HGSNAT: variants seen among roughly 807,000 people sequenced by gnomAD.
HGSNAT encodes heparan-alpha-glucosaminide N-acetyltransferase, also known as transmembrane protein 76.
HGSNAT carries 59 observed loss-of-function variants against 85.2 expected under a neutral mutation model. The ratio of observed to expected loss-of-function variants is 0.69; its 90% CI spans 0.56 to 0.86. The LOEUF is 0.86. Among genes scored for constraint, HGSNAT ranks in the 40% least tolerant of loss-of-function variants. The pLI is 0.00. For missense variants in HGSNAT, 756 were observed against 777.1 expected, an observed-to-expected ratio of 0.97 and a Z score of 0.32; for synonymous variants, 321 against 304.5, an observed-to-expected ratio of 1.05 and a Z score of -0.56.
In HGSNAT at chr8:43,191,011, C is replaced by G. The variant is rs189688716; in HGVS notation, c.1129-463C>G. Among the ~76,000 whole-genome samples the G allele has an allele frequency of 1.8e-4, 27 of 152,302 alleles. No individual in the cohort carries two copies. In the East Asian group the frequency reaches 5.0e-3, roughly 28 times the overall value. On this transcript the variant is annotated intron_variant, in intron 11 of 17. Coordinates refer to ENST00000379644, the MANE Select transcript of HGSNAT (RefSeq NM_152419.3). ...GTATACATGAAGTCATATAACGTGG[C>G]TTTTTGTGCCTGGCTGCTTCCACTT...
At chr8:43,180,934 AAACCG>A (rs1804068145) in intron 10 of HGSNAT, among the ~76,000 whole-genome samples, 1 of 101,890 alleles carries the variant, frequency 9.8e-6, no homozygotes, top group African/African-American at 3.9e-5. Context: ...CCACCAAAAA[AAACCG>A]AAAACCAGTC....
At chr8:43,191,668 G>T (rs542418607) in intron 12 of HGSNAT, 73 bp downstream of exon 12, 1 of 1,550,714 alleles carries the variant, frequency 6.4e-7, no homozygotes, top group Admixed American at 1.8e-5. Context: ...GGCTTTCACA[G>T]GTCTCGAGTC....
intron 10 of HGSNAT, among the ~76,000 whole-genome samples, chr8:43,181,405 C>T (rs1563375635): frequency 1.3e-5 from 2 of 151,936 alleles, no homozygotes; most frequent in African/African-American, 4.8e-5. Flanking sequence ...GAATGAGTAT[C>T]AGAGTCGGGA....
At position 43,159,034 on chromosome 8, in the gene HGSNAT, T is replaced by G. The variant is rs1803185540; in HGVS notation, c.483T>G (p.Asp161Glu). ...TGGCTGTGAACGAGGATCCAGTTGA[T>G]AGTAACCTTCGTACGTATATGTTCT... The part of the protein sequence containing the change: ...CDLAVNEDPV[D>E]SNLPVSIAFL... Residue 161 changes from aspartate to glutamate, a missense_variant, in exon 4 of 18, where the codon GAT (aspartate) becomes GAG (glutamate). Physicochemically the swap from Asp to Glu is conservative, Grantham distance 45. Coordinates refer to ENST00000379644, the MANE Select transcript of HGSNAT (RefSeq NM_152419.3). 3.7e-6 allele frequency: 6 copies of G among 1,613,640 alleles called. No homozygotes were observed. The highest frequency in any genetic ancestry group is 5.1e-6 in the Non-Finnish European group (6 of 1,179,804).
intron 2 of HGSNAT, among the ~76,000 whole-genome samples, chr8:43,154,010 G>A (rs953571101): frequency 1.3e-5 from 2 of 152,260 alleles, no homozygotes; most frequent in Non-Finnish European, 2.9e-5. Flanking sequence ...TTAAACATGG[G>A]AGTACAAGTA....
chr8:43,151,618 C>T (rs1314551441), intron 2 of HGSNAT, among the ~76,000 whole-genome samples: 2 of 152,164 alleles, frequency 1.3e-5, no homozygotes. Context: ...TATTCTACCT[C>T]ATACTTCTGC....
intron 2 of HGSNAT, among the ~76,000 whole-genome samples, chr8:43,150,788 T>G (rs1429661057): frequency 6.6e-6 from 1 of 151,654 alleles, no homozygotes; most frequent in South Asian, 2.1e-4. Flanking sequence ...GAGCCAAGAT[T>G]GCGCCACTGC....
rs766369405 is a variant in HGSNAT at position 43,158,619 on chromosome 8, A to G, written c.279A>G (p.Ala93=). 6.2e-7 allele frequency: 1 copy of G among 1,614,016 alleles called. No individual in the cohort carries two copies. Among genetic ancestry groups the G allele is most frequent in the Admixed American group, 1.7e-5 (1 of 60,016 alleles). ...VLVNVPQSPK[A]GKPSAAAASV... is the part of the protein sequence containing the mutation. ...TAAACGTTCCTCAGAGTCCAAAAGC[A>G]GGGAAGCCTAGTGCTGCAGCTGCCT... Residue 93 remains alanine (A), a synonymous_variant, in exon 3 of 18, where the codon GCA becomes GCG. Coordinates refer to ENST00000379644, the MANE Select transcript of HGSNAT (RefSeq NM_152419.3).
At chr8:43,167,990 C>A in intron 5 of HGSNAT, 1 of 247,812 alleles carries the variant, frequency 4.0e-6, no homozygotes, top group Non-Finnish European at 8.3e-6. Flanking sequence ...ACCATCTCGG[C>A]TCACTCCAAG....
rs188402900 is a variant in HGSNAT at position 43,169,370 on chromosome 8, T to A, written c.633+128T>A. ...GGAAGGCCAGGTTGTAGCTCCCGTA[T>A]TCCTAATAGAGAGCAGCCCTCTCTT... is the stretch of plus-strand genomic sequence containing the variant. On this transcript the variant is annotated intron_variant, in intron 6 of 17. Coordinates refer to ENST00000379644, the MANE Select transcript of HGSNAT (RefSeq NM_152419.3). The A allele has an allele frequency of 4.7e-5, 26 of 554,662 alleles. No individual in the cohort carries two copies. In the East Asian group the frequency reaches 7.9e-4, roughly 17 times the overall value. The allele number at this position is 554,662 out of a possible 1,614,324, so 34.4% of individuals were successfully genotyped here. A position where few individuals can be genotyped will look rare whatever the true frequency, so the allele number is the denominator to read the frequency against.
rs114163786 is a variant in HGSNAT, at chr8:43,173,186, C to G, written c.821-527C>G. On this transcript the variant is annotated intron_variant, in intron 8 of 17. Transcript: ENST00000379644. ...ACAATTTTTAGTACAGATGGTGTCT[C>G]ACTCTGTTGCCCAGGCTGGTCTCAA... 4.3e-3 allele frequency among the ~76,000 whole-genome samples: 660 copies of G among 152,046 alleles called. 8 individuals carry two copies. The highest frequency in any genetic ancestry group is 0.015 in the African/African-American group (631 of 41,482).
intron 1 of HGSNAT, among the ~76,000 whole-genome samples, chr8:43,141,125 G>A (rs891649476): frequency 6.6e-6 from 1 of 152,326 alleles, no homozygotes; most frequent in Non-Finnish European, 1.5e-5. Flanking sequence ...GGGAAGCCTG[G>A]GGCCGGGACG....
In HGSNAT at chr8:43,195,489, GAGA is replaced by G. The variant is rs751412630; in HGVS notation, c.1465-1456_1465-1454del. Among the ~76,000 whole-genome samples the G allele has an allele frequency of 6.0e-4, 87 of 145,024 alleles. 1 individual carries two copies. Among genetic ancestry groups the G allele is most frequent in the Admixed American group, 1.3e-3 (19 of 14,670 alleles). ...TGTTGAGTATGAGTAGTAGGAGGAG[GAGA>G]AGGAAGAGGAGGAGGAGGAGGAGGA... is the stretch of plus-strand genomic sequence containing the variant. On this transcript the variant is annotated intron_variant, in intron 14 of 17. Transcript: ENST00000379644.
intron 2 of HGSNAT, among the ~76,000 whole-genome samples, chr8:43,150,806 C>G (rs1265359649): frequency 1.3e-5 from 2 of 150,578 alleles, no homozygotes; most frequent in African/African-American, 4.9e-5. Context: ...TGCACTCCAG[C>G]CTGGGTGACA....
chr8:43,184,125 A>G (rs1586742562), intron 11 of HGSNAT, among the ~76,000 whole-genome samples: 1 of 152,212 alleles, frequency 6.6e-6, no homozygotes, highest in African/African-American at 2.4e-5. Context: ...TAGCAGCATG[A>G]TTTATAATCC....
At chr8:43,193,001 G>A (rs1172909695) in intron 13 of HGSNAT, among the ~76,000 whole-genome samples, 1 of 152,208 alleles carries the variant, frequency 6.6e-6, no homozygotes, top group East Asian at 1.9e-4. Context: ...AAAGGCCCCA[G>A]CCAATCTTGG....
intron 11 of HGSNAT, among the ~76,000 whole-genome samples, chr8:43,184,791 T>A (rs1188540708): frequency 6.6e-6 from 1 of 152,242 alleles, no homozygotes; most frequent in Non-Finnish European, 1.5e-5. Context: ...AAGTCTTTAA[T>A]CCATTGTGAA....
intron 9 of HGSNAT, among the ~76,000 whole-genome samples, chr8:43,176,974 T>C (rs1803831983): frequency 6.6e-6 from 1 of 152,220 alleles, no homozygotes; most frequent in African/African-American, 2.4e-5. Flanking sequence ...AAATATAAGA[T>C]CACGTTATCT....
intron 5 of HGSNAT, among the ~76,000 whole-genome samples, chr8:43,162,417 T>C (rs1337672935): frequency 1.3e-5 from 2 of 152,218 alleles, no homozygotes; most frequent in Admixed American, 1.3e-4. Context: ...GTAACCTGTT[T>C]TTTAGGGATA....
Sources: allele counts gnomAD v4.1 joint callset (sites outside exome capture counted in the v4.1 genomes callset), GRCh38; gene constraint gnomAD v4.1.1; transcripts MANE v1.5; gene names NCBI Gene and HGNC (gene_info 2026-07-23, HGNC 2026-07-21).